PRR35: variants seen among roughly 807,000 people sequenced by gnomAD.
PRR35 encodes the protein proline rich 35.
PRR35 carries 14 observed loss-of-function variants against 18.6 expected under a neutral mutation model. The observed-to-expected ratio is 0.75, with a 90% CI of 0.50 to 1.18. PRR35 has a LOEUF of 1.18. Among genes scored for constraint, PRR35 ranks in the 50% most tolerant of loss-of-function variants. The pLI, the probability that PRR35 is intolerant of heterozygous loss-of-function variation, is 0.00. For synonymous variants in PRR35, 425 were observed against 378.2 expected, an observed-to-expected ratio of 1.12 and a Z score of -1.43; for missense variants, 832 against 792.2, an observed-to-expected ratio of 1.05 and a Z score of -0.60.
chr16:564,129 G>C lies in PRR35; in HGVS notation c.835G>C (p.Gly279Arg). The change falls in exon 2 of 3, where the codon GGC (glycine) becomes CGC (arginine). Residue 279 changes from glycine (G) to arginine (R), a missense_variant. Physicochemically the swap from Gly to Arg is moderately radical, Grantham distance 125. Coordinates refer to ENST00000409413, the MANE Select transcript of PRR35 (RefSeq NM_145270.3). ...GGAGCACACTCTGGGGCTGCCAGCAGGCAAAGCTGCCCTTGCCAAGGCCCC... is the reference window on the plus strand; with the variant it reads ...GGAGCACACTCTGGGGCTGCCAGCACGCAAAGCTGCCCTTGCCAAGGCCCC... ...LLEHTLGLPA[G>R]KAALAKAPVS... 1.3e-6 allele frequency: 2 copies of C among 1,576,088 alleles called. No individual in the cohort carries two copies. Among genetic ancestry groups the C allele is most frequent in the Non-Finnish European group, 1.7e-6 (2 of 1,169,120 alleles).
chr16:560,479 C>T lies in PRR35; in HGVS notation c.-222C>T, dbSNP rs111468365. 3.1e-6 allele frequency: 3 copies of T among 982,744 alleles called. No individual in the cohort carries two copies. The highest frequency in any genetic ancestry group is 3.5e-5 in the African/African-American group (2 of 56,962). 60.9% of individuals were successfully genotyped at this position (982,744 alleles called of 1,614,324 possible). A position where few individuals can be genotyped will look rare whatever the true frequency, so the allele number is the denominator to read the frequency against. Reference sequence around the variant, plus strand: ...CGCTGCCGCTCGAGGGACCGCGGACCCGGGAGGTCCGGCTCCCGGCGCCGG... The same window carrying T: ...CGCTGCCGCTCGAGGGACCGCGGACTCGGGAGGTCCGGCTCCCGGCGCCGG... On this transcript the variant is annotated 5_prime_UTR_variant, in exon 1 of 3. Transcript: ENST00000409413.
chr16:562,583 A>T (rs917997271), intron 1 of PRR35, among the ~76,000 whole-genome samples: 1 of 129,938 alleles, frequency 7.7e-6, no homozygotes, highest in Non-Finnish European at 1.7e-5. Context: ...ACACGCACAC[A>T]TGCACACACA....
chr16:561,690 C>G (rs1596373586), intron 1 of PRR35: 5 of 978,542 alleles, frequency 5.1e-6, no homozygotes, highest in African/African-American at 3.5e-5. Context: ...GGTCGTCCCC[C>G]CAACGGCACC....
chr16:564,252 C>A lies in PRR35; in HGVS notation c.958C>A (p.Pro320Thr). 6.3e-7 allele frequency: 1 copy of A among 1,577,756 alleles called. No individual in the cohort carries two copies. The highest frequency in any genetic ancestry group is 8.6e-7 in the Non-Finnish European group (1 of 1,166,986). The change falls in exon 2 of 3, where the codon CCA (proline) becomes ACA (threonine). Residue 320 changes from proline (P) to threonine (T), a missense_variant. Around this residue, in one of 3 missense-constraint regions of PRR35, gnomAD observed 768 missense variants for 704.1 expected, o/e 1.09. Transcript: ENST00000409413. ...CTGGCCCCGAGTCACCCCCAGGGAC[C>A]CAGGGCAGGAGGGGGAGCTGGAGCG... ...GPWPRVTPRD[P>T]GQEGELERAA...
rs573781049 is a variant in PRR35, at chr16:561,117, C to CG, written c.-40+459dup. ...CCTGGCACAGGGCTGCTGGCTGCCC[C>CG]GGGAGCGATTGCCGGGTCCGGCTGG... On this transcript the variant is annotated intron_variant, in intron 1 of 2. Coordinates refer to ENST00000409413, the MANE Select transcript of PRR35 (RefSeq NM_145270.3). 5.3e-3 allele frequency among the ~76,000 whole-genome samples: 804 copies of CG among 152,312 alleles called. 5 individuals carry two copies. The highest frequency in any genetic ancestry group is 0.018 in the African/African-American group (735 of 41,566).
Position 564,180 on chromosome 16 carries a change from A to G in PRR35, c.886A>G (p.Thr296Ala), listed in dbSNP as rs771277063. 1 of 1,562,568 alleles carries G rather than the reference A, an allele frequency of 6.4e-7. No individual in the cohort carries two copies. Among genetic ancestry groups the G allele is most frequent in the South Asian group, 1.2e-5 (1 of 85,864 alleles). ...APVSPRSPSGTPAPGLLKVPV... is the reference protein window; with the variant it reads ...APVSPRSPSGAPAPGLLKVPV... Reference sequence around the variant, plus strand: ...TGTCTCCCCCAGGAGCCCCTCTGGGACTCCGGCTCCTGGCCTGCTGAAGGT... The same window carrying G: ...TGTCTCCCCCAGGAGCCCCTCTGGGGCTCCGGCTCCTGGCCTGCTGAAGGT... Residue 296 changes from threonine to alanine, a missense_variant, in exon 2 of 3, where the codon ACT (threonine) becomes GCT (alanine). By Grantham distance (58) the Thr-to-Ala change is moderately conservative. This residue lies in a region of PRR35 where 768 missense variants were observed against 704.1 expected (regional missense o/e 1.09). Coordinates refer to ENST00000409413, the MANE Select transcript of PRR35 (RefSeq NM_145270.3).
In PRR35 at chr16:560,579, G is replaced by T; in HGVS notation, c.-122G>T. ...CGTCCGCGGGGTCCGAGTCGCGGCC[G>T]GCGCGGGGCGGGGAGGGGCGGGAAG... On this transcript the variant is annotated 5_prime_UTR_variant, in exon 1 of 3. Coordinates refer to ENST00000409413, the MANE Select transcript of PRR35 (RefSeq NM_145270.3). The T allele has an allele frequency of 1.0e-6, 1 of 983,296 alleles. No individual in the cohort carries two copies. Among genetic ancestry groups the T allele is most frequent in the South Asian group, 4.7e-5 (1 of 21,286 alleles). The allele number at this position is 983,296 out of a possible 1,614,324, so 60.9% of individuals were successfully genotyped here. A position where few individuals can be genotyped will look rare whatever the true frequency, so the allele number is the denominator to read the frequency against.
At chr16:561,390 C>T (rs901526880) in intron 1 of PRR35, among the ~76,000 whole-genome samples, 1 of 152,142 alleles carries the variant, frequency 6.6e-6, no homozygotes, top group African/African-American at 2.4e-5. Context: ...TGATCGATGG[C>T]CCGGCACAGC....
rs1463227120 is a variant in PRR35 at position 565,186 on chromosome 16, T to C, written c.1595T>C (p.Leu532Pro). The change falls in exon 3 of 3, where the codon CTC becomes CCC. Residue 532 changes from leucine (L) to proline (P), a missense_variant. Physicochemically the swap from Leu to Pro is moderately conservative, Grantham distance 98. This residue lies in a region of PRR35 where 768 missense variants were observed against 704.1 expected (regional missense o/e 1.09). Coordinates refer to ENST00000409413, the MANE Select transcript of PRR35 (RefSeq NM_145270.3). ...DSSVPPPGLP[L>P]AAPDDPVIPG... The stretch of plus-strand genomic sequence containing the variant: ...AGCGTCCCACCCCCAGGGCTCCCCC[T>C]CGCAGCCCCAGATGACCCTGTCATT... The C allele has an allele frequency of 5.6e-6, 9 of 1,610,748 alleles. No homozygotes were observed. The highest frequency in any genetic ancestry group is 6.8e-6 in the Non-Finnish European group (8 of 1,179,064).
upstream of PRR35, chr16:560,309 T>G: frequency 2.1e-6 from 2 of 974,574 alleles, no homozygotes; most frequent in Non-Finnish European, 2.4e-6. Context: ...GGGCTGCTCC[T>G]TCCCTCCCGC....
At chr16:562,455 CATGCACACACA>C (rs1202956982) in intron 1 of PRR35, among the ~76,000 whole-genome samples, 1 of 152,238 alleles carries the variant, frequency 6.6e-6, no homozygotes. Flanking sequence ...TGCATGCACA[CATGCACACACA>C]ATGCACACAC....
intron 2 of PRR35, 34 bp downstream of exon 2, chr16:564,410 A>T: frequency 6.3e-7 from 1 of 1,585,998 alleles, no homozygotes; most frequent in Admixed American, 1.7e-5. Context: ...CCTGGGGTGG[A>T]CGGAGGGGCT....
At chr16:564,440 TTGGGCGGCTGGGC>T in intron 2 of PRR35, 64 bp downstream of exon 2, 1 of 1,560,344 alleles carries the variant, frequency 6.4e-7, no homozygotes, top group Non-Finnish European at 8.6e-7. Flanking sequence ...GGCATGGCGG[TTGGGCGGCTGGGC>T]ATGGCGGCTG....
At position 563,613 on chromosome 16, in the gene PRR35, C is replaced by T. The variant is rs779177812; in HGVS notation, c.319C>T (p.Pro107Ser). 45 of 1,588,026 alleles carry T rather than the reference C, an allele frequency of 2.8e-5. No individual in the cohort carries two copies. The highest frequency in any genetic ancestry group is 2.3e-4 in the East Asian group (10 of 43,782). The part of the protein sequence containing the change: ...DPGRQPQGAR[P>S]TGAAPAPDLV... ...CGGCAGGCAACCCCAGGGAGCACGG[C>T]CCACAGGTGCTGCCCCCGCGCCTGA... Residue 107 changes from proline (P) to serine (S), a missense_variant, in exon 2 of 3, where the codon CCC (proline) becomes TCC (serine). Pro to Ser is a moderately conservative substitution (Grantham distance 74). Around this residue, in one of 3 missense-constraint regions of PRR35, gnomAD observed 768 missense variants for 704.1 expected, o/e 1.09. Transcript: ENST00000409413.
intron 1 of PRR35, chr16:561,860 G>T: frequency 1.1e-6 from 1 of 889,748 alleles, no homozygotes; most frequent in Non-Finnish European, 1.3e-6. Context: ...CCGTGTTGGA[G>T]TGGTTTGGAA....
At chr16:562,915 G>C (rs747846203) in intron 1 of PRR35, among the ~76,000 whole-genome samples, 1 of 152,134 alleles carries the variant, frequency 6.6e-6, no homozygotes, top group Non-Finnish European at 1.5e-5. Flanking sequence ...AGTTAAAATC[G>C]AATTTCCGAT....
intron 1 of PRR35, among the ~76,000 whole-genome samples, chr16:562,947 T>C (rs918772124): frequency 2.0e-5 from 3 of 152,074 alleles, no homozygotes; most frequent in Non-Finnish European, 4.4e-5. Context: ...ACCTTTCTAG[T>C]GTGCCTTTCC....
At chr16:561,830 C>T (rs2035439696) in intron 1 of PRR35, 1 of 971,568 alleles carries the variant, frequency 1.0e-6, no homozygotes, top group Non-Finnish European at 1.2e-6. Context: ...GTGTGTAGGG[C>T]CTGTGTGAGC....
rs759040523 is a variant in PRR35, at chr16:563,308, C to T, written c.14C>T (p.Ala5Val). ...TAGCAGGCTGCCATGTCGCGGGAGG[C>T]GGGCTCATGCCGCGTGGGCACAGGG... Reference protein sequence around the residue: MSREAGSCRVGTGAR... With the variant: MSREVGSCRVGTGAR... The change falls in exon 2 of 3, where the codon GCG becomes GTG. Residue 5 changes from alanine to valine, a missense_variant. Around this residue, in one of 3 missense-constraint regions of PRR35, gnomAD observed 56 missense variants for 64.8 expected, o/e 0.86. Transcript: ENST00000409413. The T allele has an allele frequency of 6.2e-6, 10 of 1,607,080 alleles. No homozygotes were observed. Among genetic ancestry groups the T allele is most frequent in the South Asian group, 2.2e-5 (2 of 90,782 alleles).
Sources: allele counts gnomAD v4.1 joint callset (sites outside exome capture counted in the v4.1 genomes callset), GRCh38; gene constraint gnomAD v4.1.1; regional missense constraint gnomAD v4.1.1; transcripts MANE v1.5; gene names NCBI Gene and HGNC (gene_info 2026-07-23, HGNC 2026-07-21).